The following CCDC136 variants were observed in gnomAD, a reference collection of about 807,000 sequenced individuals.
The protein encoded by CCDC136 is coiled-coil domain-containing protein 136.
CCDC136 carries 100 observed loss-of-function variants against 141.2 expected under a neutral mutation model. That is an observed-to-expected ratio of 0.71 (90% CI 0.60 to 0.84). CCDC136 has a LOEUF of 0.84. Among genes scored for constraint, CCDC136 ranks in the 40% least tolerant of loss-of-function variants. CCDC136 has a pLI of 0.00. For synonymous variants in CCDC136, 474 were observed against 531.9 expected (o/e 0.89, Z 1.50); for missense variants, 1,206 against 1,379.4 (o/e 0.87, Z 1.99).
At chr7:128,792,956 A>G (rs2128891819) in intron 1 of CCDC136, among the ~76,000 whole-genome samples, 1 of 152,344 alleles carries the variant, frequency 6.6e-6, no homozygotes, top group East Asian at 1.9e-4. Flanking sequence ...CACCCATGTG[A>G]CTTGGCAGTT....
chr7:128,812,438 GAAGT>G, intron 13 of CCDC136, 126 bp downstream of exon 13: 1 of 1,053,308 alleles, frequency 9.5e-7, no homozygotes, highest in Non-Finnish European at 1.3e-6. Flanking sequence ...GGAACTATTG[GAAGT>G]AAGCGAAGCC....
intron 14 of CCDC136, 69 bp downstream of exon 14, chr7:128,812,998 A>G (rs1806024343): frequency 1.9e-6 from 2 of 1,036,816 alleles, no homozygotes; most frequent in Non-Finnish European, 2.9e-6. Flanking sequence ...TGGCCACTTC[A>G]TAGAGGCTAA....
chr7:128,793,517 T>A (rs1174730949), intron 1 of CCDC136, among the ~76,000 whole-genome samples: 1 of 152,184 alleles, frequency 6.6e-6, no homozygotes, highest in African/African-American at 2.4e-5. Context: ...AATCAGATAT[T>A]TTCTTTCTCT....
intron 3 of CCDC136, among the ~76,000 whole-genome samples, chr7:128,800,714 A>G (rs1803894980): frequency 6.6e-6 from 1 of 152,252 alleles, no homozygotes; most frequent in South Asian, 2.1e-4. Flanking sequence ...ACATTGTTTT[A>G]GGTCCAGTAC....
Position 128,796,321 on chromosome 7 carries a change from G to A in CCDC136, c.346+1553G>A, listed in dbSNP as rs180857448. On this transcript the variant is annotated intron_variant, in intron 3 of 17. Transcript: ENST00000297788. ...ATCTGAGGGAGGAGCATACCAGGCA[G>A]AAGCAACAGCAACTGCAAAGGCCCA... is the stretch of plus-strand genomic sequence containing the variant. Among the ~76,000 whole-genome samples, 221 of 152,292 alleles carry A rather than the reference G, an allele frequency of 1.5e-3. 1 individual carries two copies. The highest frequency in any genetic ancestry group is 0.01 in the Middle Eastern group (3 of 294).
intron 11 of CCDC136, 101 bp downstream of exon 11, chr7:128,809,745 T>C: frequency 1.1e-6 from 1 of 880,758 alleles, no homozygotes; most frequent in Non-Finnish European, 1.7e-6. Flanking sequence ...GAACTTTTTC[T>C]CTTACCAACC....
At position 128,812,227 on chromosome 7, in the gene CCDC136, G is replaced by A; in HGVS notation, c.2456G>A (p.Gly819Asp). The A allele has an allele frequency of 2.5e-6, 4 of 1,613,968 alleles. No individual in the cohort carries two copies. In the South Asian group the frequency reaches 3.3e-5, roughly 13 times the overall value. ...NSSITYKKSY[G>D]STSSSDTCQK... ...AGCATTACCTATAAGAAGAGTTACGGCAGCACCAGTAGCTCTGACACCTGC... is the reference window on the plus strand; with the variant it reads ...AGCATTACCTATAAGAAGAGTTACGACAGCACCAGTAGCTCTGACACCTGC... Residue 819 changes from glycine to aspartate, a missense_variant, in exon 13 of 18, where the codon GGC becomes GAC. Physicochemically the swap from Gly to Asp is moderately conservative, Grantham distance 94 (BLOSUM62 -1). Coordinates refer to ENST00000297788, the MANE Select transcript of CCDC136 (RefSeq NM_022742.5).
At chr7:128,806,123 A>G in intron 7 of CCDC136, 114 bp from the exon 8 acceptor site, 1 of 1,068,650 alleles carries the variant, frequency 9.4e-7, no homozygotes. Flanking sequence ...ACCAAACCCT[A>G]GACCTGTGGG....
At chr7:128,806,207 A>G in intron 7 of CCDC136, 30 bp from the exon 8 acceptor site, 1 of 1,512,494 alleles carries the variant, frequency 6.6e-7, no homozygotes, top group Non-Finnish European at 8.9e-7. Context: ...CTTGAGAGTA[A>G]CTGTTCTACT....
Position 128,805,306 on chromosome 7 carries a change from G to A in CCDC136, c.783-53G>A. ...TATCAGGACAAAGCCTGCATGGCTGGTGATGCCAGGCAGAACTCCCTTCAA... is the reference window on the plus strand; with the variant it reads ...TATCAGGACAAAGCCTGCATGGCTGATGATGCCAGGCAGAACTCCCTTCAA... On this transcript the variant is annotated intron_variant, in intron 5 of 17. Transcript: ENST00000297788. This position sits in a 1 kb window ranked among gnomAD's most constrained non-coding sequence, Gnocchi z 4.6. The A allele has an allele frequency of 3.2e-6, 5 of 1,546,266 alleles. No homozygotes were observed. Among genetic ancestry groups the A allele is most frequent in the Non-Finnish European group, 4.4e-6 (5 of 1,124,746 alleles).
At position 128,809,606 on chromosome 7, in the gene CCDC136, C is replaced by A; in HGVS notation, c.1762C>A (p.Leu588Ile). The stretch of plus-strand genomic sequence containing the variant: ...CCAGCTGCAGGAAGAGCTGCACAGG[C>A]TCACACTGCCACTGCCAAAGAGTGG... ...QGQLQEELHR[L>I]TLPLPKSGLL... is the part of the protein sequence containing the mutation. Residue 588 changes from leucine to isoleucine, a missense_variant, in exon 11 of 18, where the codon CTC becomes ATC. By Grantham distance (5) the Leu-to-Ile change is conservative (BLOSUM62 2). Transcript: ENST00000297788. 1 of 1,558,036 alleles carries A rather than the reference C, an allele frequency of 6.4e-7. No individual in the cohort carries two copies. Among genetic ancestry groups the A allele is most frequent in the Admixed American group, 1.9e-5 (1 of 52,224 alleles).
Position 128,821,621 on chromosome 7 carries a change from C to A in CCDC136, c.*6-178C>A, listed in dbSNP as rs1807449293. On this transcript the variant is annotated intron_variant, in intron 17 of 17. Transcript: ENST00000297788. The surrounding 1 kb of genome is among the most constrained non-coding windows in gnomAD (Gnocchi z 5.1). ...TAAGGTGGTGCGTACAGTGTTGGGC[C>A]ACATGTCTAGTGGTGCCAGGACTGA... Among the ~76,000 whole-genome samples, 1 of 152,136 alleles carries A rather than the reference C, an allele frequency of 6.6e-6. No individual in the cohort carries two copies.
chr7:128,812,851 GGAT>G lies in CCDC136; in HGVS notation c.2687_2689del (p.Asp896del). 6.2e-7 allele frequency: 1 copy of G among 1,613,212 alleles called. No individual in the cohort carries two copies. On this transcript the variant is annotated inframe_deletion, in exon 14 of 18. Coordinates refer to ENST00000297788, the MANE Select transcript of CCDC136 (RefSeq NM_022742.5). ...AGCAGAAAGACCTGAAGGAAGAGCT[GGAT>G]GCCTGTGAAAGGGAGTTCAAGGAGT... is the stretch of plus-strand genomic sequence containing the variant.
rs752302393 is a variant in CCDC136 at position 128,810,234 on chromosome 7, A to C, written c.1896A>C (p.Gln632His). The C allele has an allele frequency of 1.2e-6, 2 of 1,613,152 alleles. No individual in the cohort carries two copies. The highest frequency in any genetic ancestry group is 4.5e-5 in the East Asian group (2 of 44,880). ...AACAGAAGAAGCTGATACAGAACCAAGACTGTGTATTAAAAGAACAATTAG... is the reference window on the plus strand; with the variant it reads ...AACAGAAGAAGCTGATACAGAACCACGACTGTGTATTAAAAGAACAATTAG... ...QEEQKKLIQN[Q>H]DCVLKEQLEI... The change falls in exon 12 of 18, where the codon CAA becomes CAC. Residue 632 changes from glutamine to histidine, a missense_variant. Gln to His is a conservative substitution (Grantham distance 24). Transcript: ENST00000297788.
chr7:128,806,650 G>C (rs747878318), intron 8 of CCDC136, 38 bp from the exon 9 acceptor site: 24 of 1,579,462 alleles, frequency 1.5e-5, no homozygotes, highest in Non-Finnish European at 2.1e-5. Context: ...GTGGGTTAAG[G>C]AGCCCAAAGG....
chr7:128,808,759 G>C, intron 10 of CCDC136: 4 of 985,418 alleles, frequency 4.1e-6, no homozygotes, highest in Non-Finnish European at 4.8e-6. Context: ...CAATTTAGGA[G>C]CCCAGGTGAT....
rs1271862510 is a variant in CCDC136, at chr7:128,805,851, T to C, written c.1039T>C (p.Cys347Arg). The change falls in exon 7 of 18, where the codon TGT becomes CGT. Residue 347 changes from cysteine (C) to arginine (R), a missense_variant. Cys to Arg is a radical substitution (Grantham distance 180, BLOSUM62 -3). Coordinates refer to ENST00000297788, the MANE Select transcript of CCDC136 (RefSeq NM_022742.5). This position sits in a 1 kb window ranked among gnomAD's most constrained non-coding sequence, Gnocchi z 4.6. ...GAGGCGGCTGCAGAGGGAGCTCAAG[T>C]GTGCTCAGAATGAGGTGCTTCGGTT... ...EQRRLQRELKCAQNEVLRFQT... is the reference protein window; with the variant it reads ...EQRRLQRELKRAQNEVLRFQT... 6.2e-7 allele frequency: 1 copy of C among 1,613,926 alleles called. No individual in the cohort carries two copies. The highest frequency in any genetic ancestry group is 8.5e-7 in the Non-Finnish European group (1 of 1,179,888).
At chr7:128,797,316 G>A (rs749917795) in intron 3 of CCDC136, among the ~76,000 whole-genome samples, 5 of 152,288 alleles carry the variant, frequency 3.3e-5, no homozygotes, top group African/African-American at 7.2e-5. Context: ...AAACAGGGCC[G>A]GAGATGTAAA....
chr7:128,812,727 T>C lies in CCDC136; in HGVS notation c.2561T>C (p.Val854Ala). 1 of 1,612,914 alleles carries C rather than the reference T, an allele frequency of 6.2e-7. No homozygotes were observed. The highest frequency in any genetic ancestry group is 8.5e-7 in the Non-Finnish European group (1 of 1,179,684). ...EDMERFEEMV[V>A]KVLIKLQAVQ... ...CCGCAGCGCTTTGAGGAAATGGTTG[T>C]GAAAGTGCTGATCAAGCTGCAGGCG... Residue 854 changes from valine to alanine, a missense_variant, in exon 14 of 18, where the codon GTG becomes GCG. Transcript: ENST00000297788.
Sources: allele counts gnomAD v4.1 joint callset (sites outside exome capture counted in the v4.1 genomes callset), GRCh38; gene constraint gnomAD v4.1.1; non-coding constraint Gnocchi (gnomAD v3.1); transcripts MANE v1.5; gene names NCBI Gene and HGNC (gene_info 2026-07-23, HGNC 2026-07-21).